CA8: variants seen among roughly 807,000 people sequenced by gnomAD.
The protein encoded by CA8 is carbonic anhydrase 8 (inactive), also known as carbonic anhydrase-related protein.
CA8 carries 22 observed loss-of-function variants against 41.4 expected under a neutral mutation model. The ratio of observed to expected loss-of-function variants is 0.53; its 90% CI spans 0.38 to 0.76. CA8 has a LOEUF of 0.76. Among genes scored for constraint, CA8 ranks in the 30% least tolerant of loss-of-function variants. The pLI, the probability that CA8 is intolerant of heterozygous loss-of-function variation, is 0.00. For synonymous variants in CA8, 121 were observed against 130.6 expected, an observed-to-expected ratio of 0.93 and a Z score of 0.50; for missense variants, 270 against 352.8, an observed-to-expected ratio of 0.77 and a Z score of 1.88.
chr8:60,203,798 G>A (rs567837750), intron 8 of CA8, among the ~76,000 whole-genome samples: 32 of 152,084 alleles, frequency 2.1e-4, no homozygotes, highest in African/African-American at 7.7e-4. Context: ...TTCAGTTGGA[G>A]ACTTACTAAC....
intron 8 of CA8, among the ~76,000 whole-genome samples, chr8:60,201,849 T>C (rs1245879501): frequency 6.6e-6 from 1 of 152,220 alleles, no homozygotes; most frequent in Non-Finnish European, 1.5e-5. Flanking sequence ...TTAAATTTCG[T>C]GTTGTACTTT....
intron 3 of CA8, among the ~76,000 whole-genome samples, chr8:60,233,554 AG>A (rs1807732194): frequency 6.6e-6 from 1 of 152,238 alleles, no homozygotes; most frequent in Non-Finnish European, 1.5e-5. Flanking sequence ...TGCAACTGAA[AG>A]GCACTGCTTT....
At chr8:60,250,302 T>C (rs1023287241) in intron 3 of CA8, among the ~76,000 whole-genome samples, 3 of 152,174 alleles carry the variant, frequency 2.0e-5, no homozygotes, top group Non-Finnish European at 4.4e-5. Context: ...TTCCACAGAA[T>C]AAATGGCAAC....
At chr8:60,264,735 G>A (rs1371118019) in intron 3 of CA8, 2 of 152,162 alleles carry the variant, frequency 1.3e-5, no homozygotes, top group African/African-American at 4.8e-5. Flanking sequence ...CTTCTCTCCA[G>A]CCTTAAAACA....
chr8:60,226,970 A>G (rs1807462888), intron 4 of CA8, 35 bp from the exon 5 acceptor site: 7 of 1,458,954 alleles, frequency 4.8e-6, no homozygotes, highest in Non-Finnish European at 6.7e-6. Context: ...CAACCACAAC[A>G]TTTTTCAGTG....
intron 8 of CA8, among the ~76,000 whole-genome samples, chr8:60,196,682 C>T (rs1437124654): frequency 6.6e-6 from 1 of 152,020 alleles, no homozygotes; most frequent in South Asian, 2.1e-4. Flanking sequence ...TCCTTTTTCT[C>T]TTTTATTTTT....
At chr8:60,256,408 A>T (rs1034213254) in intron 3 of CA8, among the ~76,000 whole-genome samples, 4 of 152,194 alleles carry the variant, frequency 2.6e-5, no homozygotes. Context: ...CCATGTCAGA[A>T]AAAGGTCCAG....
At position 60,223,980 on chromosome 8, in the gene CA8, CAG is replaced by C. The variant is rs1054677378; in HGVS notation, c.625+555_625+556del. On this transcript the variant is annotated intron_variant, in intron 6 of 8. Transcript: ENST00000317995. ...ATAATACATAATAATAGTATTACTG[CAG>C]AGAGGTAACCTTATAAAATTAGATA... Among the ~76,000 whole-genome samples the C allele has an allele frequency of 3.3e-5, 5 of 152,182 alleles. No individual in the cohort carries two copies. In the South Asian group the frequency reaches 1.0e-3, roughly 32 times the overall value.
At chr8:60,267,020 T>C (rs773912885) in intron 2 of CA8, among the ~76,000 whole-genome samples, 1 of 152,200 alleles carries the variant, frequency 6.6e-6, no homozygotes. Flanking sequence ...TCCTTTTGGG[T>C]TGCCTTTGAG....
intron 2 of CA8, among the ~76,000 whole-genome samples, chr8:60,266,805 C>T (rs969196881): frequency 1.3e-5 from 2 of 152,084 alleles, no homozygotes; most frequent in African/African-American, 4.8e-5. Context: ...TTAAAAACTC[C>T]CTGACAGCAT....
chr8:60,200,203 A>T (rs1806383413), intron 8 of CA8, among the ~76,000 whole-genome samples: 1 of 152,222 alleles, frequency 6.6e-6, no homozygotes, highest in African/African-American at 2.4e-5. Context: ...CCAGATACCA[A>T]ACCTGCTGGT....
chr8:60,246,126 T>C (rs992318677), intron 3 of CA8, among the ~76,000 whole-genome samples: 4 of 152,340 alleles, frequency 2.6e-5, no homozygotes, highest in Middle Eastern at 3.4e-3. Context: ...TCCCCTGGTC[T>C]GCACAGTCAC....
At chr8:60,244,814 G>A (rs1242479281) in intron 3 of CA8, among the ~76,000 whole-genome samples, 5 of 152,142 alleles carry the variant, frequency 3.3e-5, no homozygotes, top group Admixed American at 3.3e-4. Context: ...TGTTAACACT[G>A]CTTACTCAGG....
intron 8 of CA8, among the ~76,000 whole-genome samples, chr8:60,196,097 C>A (rs943541646): frequency 1.3e-5 from 2 of 152,036 alleles, no homozygotes; most frequent in African/African-American, 4.8e-5. Flanking sequence ...TGGGTGTTAT[C>A]AGTGTCTATC....
chr8:60,265,791 AT>A (rs1349505633), intron 3 of CA8, 133 bp downstream of exon 3: 4 of 1,003,700 alleles, frequency 4.0e-6, no homozygotes, highest in Middle Eastern at 3.1e-4. Context: ...TGCATTAAGC[AT>A]TTTTTAAATT....
intron 2 of CA8, among the ~76,000 whole-genome samples, chr8:60,270,665 C>T (rs1804041541): frequency 1.3e-5 from 2 of 152,194 alleles, no homozygotes; most frequent in Non-Finnish European, 2.9e-5. Context: ...AGCCACCTGC[C>T]TTGGCCTCCC....
At chr8:60,222,540 G>T in intron 7 of CA8, 109 bp downstream of exon 7, 1 of 736,098 alleles carries the variant, frequency 1.4e-6, no homozygotes. Context: ...CATCTGGAAA[G>T]GTATGACTGA....
At chr8:60,266,115 G>C in intron 2 of CA8, 66 bp from the exon 3 acceptor site, 1 of 1,468,598 alleles carries the variant, frequency 6.8e-7, no homozygotes, top group South Asian at 1.2e-5. Flanking sequence ...AAACATTAGA[G>C]ACTTTTTTTT....
intron 8 of CA8, among the ~76,000 whole-genome samples, chr8:60,193,599 C>T (rs1240129703): frequency 6.6e-6 from 1 of 152,206 alleles, no homozygotes; most frequent in Non-Finnish European, 1.5e-5. Context: ...AATTTTCCCT[C>T]AGAATTCTGA....
Sources: gnomAD v4.1 joint callset for allele counts (sites outside exome capture counted in the v4.1 genomes callset) on GRCh38, gnomAD v4.1.1 for gene constraint, MANE v1.5 for transcripts, NCBI Gene and HGNC (gene_info 2026-07-23, HGNC 2026-07-21) for gene names.